NVL: variants seen among roughly 807,000 people sequenced by gnomAD.
The protein encoded by NVL is nuclear valosin-containing protein-like.
A neutral mutation model predicts 110.2 loss-of-function variants in NVL; 84 were observed. That is an observed-to-expected ratio of 0.76 (90% confidence interval 0.64 to 0.91). The LOEUF (loss-of-function observed/expected upper bound fraction) is 0.91, where lower values mean the gene tolerates loss of function less well. Ranked by LOEUF, NVL falls within the 40% of genes least tolerant of loss-of-function variation. NVL has a pLI of 0.00. For synonymous variants in NVL, 354 were observed against 361.1 expected (o/e 0.98, Z 0.22); for missense variants, 882 against 1,035.9 (o/e 0.85, Z 2.04).
At chr1:224,247,750 A>G (rs1350167737) in intron 19 of NVL, among the ~76,000 whole-genome samples, 1 of 151,952 alleles carries the variant, frequency 6.6e-6, no homozygotes, top group Non-Finnish European at 1.5e-5. Flanking sequence ...GTCTCAAGTG[A>G]TCCTCCTGTC....
intron 20 of NVL, among the ~76,000 whole-genome samples, chr1:224,235,651 C>T (rs1660382474): frequency 1.3e-5 from 2 of 151,924 alleles, no homozygotes; most frequent in South Asian, 4.1e-4. Flanking sequence ...AAAAAAAGGG[C>T]CGGGTGTGGT....
At chr1:224,253,875 A>C (rs1253713061) in intron 18 of NVL, among the ~76,000 whole-genome samples, 1 of 152,084 alleles carries the variant, frequency 6.6e-6, no homozygotes, top group African/African-American at 2.4e-5. Context: ...CAGTCTTTTC[A>C]ATCTTTTAGT....
At position 224,289,633 on chromosome 1, in the gene NVL, C is replaced by G; in HGVS notation, c.1426G>C (p.Ala476Pro). 1 of 1,614,202 alleles carries G rather than the reference C, an allele frequency of 6.2e-7. No homozygotes were observed. The highest frequency in any genetic ancestry group is 8.5e-7 in the Non-Finnish European group (1 of 1,180,048). Residue 476 changes from alanine to proline, a missense_variant, in exon 13 of 23, where the codon GCA becomes CCA. Transcript: ENST00000281701. ...TPGFVGADLM[A>P]LCREAAMCAV... is the part of the protein sequence containing the mutation. ...CACATTGCTGCCTCTCGGCACAGTGCCATGAGATCAGCACCAACAAAGCCT... is the reference window on the plus strand; with the variant it reads ...CACATTGCTGCCTCTCGGCACAGTGGCATGAGATCAGCACCAACAAAGCCT...
chr1:224,329,537 C>G (rs1671476573), intron 1 of NVL, among the ~76,000 whole-genome samples: 1 of 152,164 alleles, frequency 6.6e-6, no homozygotes, highest in African/African-American at 2.4e-5. Context: ...AGACTGCTTG[C>G]TTACATTCTG....
At chr1:224,234,553 A>ACC (rs1660260790) in intron 20 of NVL, among the ~76,000 whole-genome samples, 1 of 151,736 alleles carries the variant, frequency 6.6e-6, no homozygotes, top group Admixed American at 6.6e-5. Flanking sequence ...CCTGGGTATG[A>ACC]GTGATTCTCC....
intron 18 of NVL, among the ~76,000 whole-genome samples, chr1:224,252,753 CT>C (rs1417064532): frequency 6.6e-6 from 1 of 152,202 alleles, no homozygotes; most frequent in Non-Finnish European, 1.5e-5. Flanking sequence ...GCCTAAGGGT[CT>C]TCTGACTCTA....
At chr1:224,296,052 G>T (rs1667854111) in intron 11 of NVL, among the ~76,000 whole-genome samples, 1 of 151,346 alleles carries the variant, frequency 6.6e-6, no homozygotes, top group South Asian at 2.1e-4. Context: ...GATCACTTGA[G>T]CCCAGGAGGT....
chr1:224,240,893 A>C (rs913677865), intron 19 of NVL, among the ~76,000 whole-genome samples: 13 of 147,756 alleles, frequency 8.8e-5, no homozygotes, highest in African/African-American at 3.0e-4. Context: ...CGGGTTCAAG[A>C]GATTCTCCTG....
At chr1:224,250,908 C>T (rs1234894291) in intron 18 of NVL, among the ~76,000 whole-genome samples, 1 of 152,118 alleles carries the variant, frequency 6.6e-6, no homozygotes. Flanking sequence ...CCGCCCTTCT[C>T]GGCCTCCCAA....
In NVL at chr1:224,306,662, T is replaced by C. The variant is rs368042475; in HGVS notation, c.615+1329A>G. On this transcript the variant is annotated intron_variant, in intron 6 of 22. Coordinates refer to ENST00000281701, the MANE Select transcript of NVL (RefSeq NM_002533.4). ...GTCTGAGCAACATGGCCAAACGCCATCTCTACAAAAAATACAAAACTTAGC... is the reference window on the plus strand; with the variant it reads ...GTCTGAGCAACATGGCCAAACGCCACCTCTACAAAAAATACAAAACTTAGC... Among the ~76,000 whole-genome samples the C allele has an allele frequency of 1.6e-4, 25 of 152,180 alleles. 1 individual carries two copies. The East Asian group carries it at 2.5e-3, about 15-fold the overall frequency.
chr1:224,248,924 G>A (rs1662153878), intron 19 of NVL, among the ~76,000 whole-genome samples: 1 of 152,218 alleles, frequency 6.6e-6, no homozygotes, highest in South Asian at 2.1e-4. Flanking sequence ...ATGGGAGTGG[G>A]ACAGCTCCCA....
Position 224,294,311 on chromosome 1 carries a change from G to A in NVL, c.1281C>T (p.Asp427=). ...DPALRRAGRF[D]REICLGIPDE... ...CTGGGATACCTAGGCATATTTCTCG[G>A]TCGAACCTTCCCGCACGTCTCAAAG... The change falls in exon 12 of 23, where the codon GAC becomes GAT. Residue 427 remains aspartate, a synonymous_variant. Transcript: ENST00000281701. 1 of 1,614,046 alleles carries A rather than the reference G, an allele frequency of 6.2e-7. No homozygotes were observed. Among genetic ancestry groups the A allele is most frequent in the South Asian group, 1.1e-5 (1 of 91,064 alleles).
chr1:224,303,713 C>G lies in NVL; in HGVS notation c.960+10G>C. The G allele has an allele frequency of 6.3e-7, 1 of 1,599,344 alleles. No individual in the cohort carries two copies. The highest frequency in any genetic ancestry group is 1.1e-5 in the South Asian group (1 of 88,696). ...AACAGCAAAAGCAAACAAATGTCAG[C>G]AAGCCTCACCCCAGCAATTGCATGT... On this transcript the variant is annotated intron_variant, in intron 9 of 22. Transcript: ENST00000281701.
Position 224,269,770 on chromosome 1 carries a change from CA to C in NVL, c.2083-1638del, listed in dbSNP as rs570066928. The C allele has an allele frequency of 3.8e-5, 5 of 132,838 alleles. No individual in the cohort carries two copies. In the East Asian group the frequency reaches 7.1e-4, roughly 19 times the overall value. The allele number at this position is 132,838 out of a possible 1,614,324, so 8.2% of individuals were successfully genotyped here. ...TTCTTTTTTCTTTTTTTTTTTGAGA[CA>C]GGGGTCTTGTTCTGTCACCCAGGCT... On this transcript the variant is annotated intron_variant, in intron 17 of 22. Coordinates refer to ENST00000281701, the MANE Select transcript of NVL (RefSeq NM_002533.4).
At chr1:224,323,684 AAAG>A (rs1270635331) in intron 2 of NVL, among the ~76,000 whole-genome samples, 2 of 152,224 alleles carry the variant, frequency 1.3e-5, no homozygotes, top group African/African-American at 2.4e-5. Flanking sequence ...AGGAGGCTCA[AAAG>A]AAGGCAGGGC....
At chr1:224,230,215 G>A (rs1659717200) in intron 22 of NVL, among the ~76,000 whole-genome samples, 1 of 152,126 alleles carries the variant, frequency 6.6e-6, no homozygotes, top group Non-Finnish European at 1.5e-5. Flanking sequence ...AGTCCCTATG[G>A]CTTAGTTTGG....
At chr1:224,283,462 G>A (rs993549392) in intron 15 of NVL, among the ~76,000 whole-genome samples, 2 of 152,188 alleles carry the variant, frequency 1.3e-5, no homozygotes, top group African/African-American at 4.8e-5. Flanking sequence ...ACTCCAGCCT[G>A]GGTGACAGCA....
intron 18 of NVL, among the ~76,000 whole-genome samples, chr1:224,263,262 A>G (rs977785912): frequency 1.1e-4 from 16 of 152,304 alleles, no homozygotes; most frequent in Non-Finnish European, 2.1e-4. Context: ...GAGCCAAACC[A>G]TATCACTCAC....
At chr1:224,278,866 G>T (rs1268616302) in intron 16 of NVL, among the ~76,000 whole-genome samples, 1 of 152,066 alleles carries the variant, frequency 6.6e-6, no homozygotes, top group East Asian at 1.9e-4. Flanking sequence ...CCAAGGAGAT[G>T]GGACTACAGG....
Sources: allele counts gnomAD v4.1 joint callset (sites outside exome capture counted in the v4.1 genomes callset), GRCh38; gene constraint gnomAD v4.1.1; transcripts MANE v1.5; gene names NCBI Gene and HGNC (gene_info 2026-07-23, HGNC 2026-07-21).